The following INPP5A variants were observed in gnomAD, a reference collection of about 807,000 sequenced individuals.
INPP5A encodes the protein 43 kDa inositol polyphosphate 5-phophatase.
INPP5A carries 14 observed loss-of-function variants against 65.2 expected under a neutral mutation model. That is an observed-to-expected ratio of 0.21 (90% CI 0.14 to 0.34). INPP5A has a LOEUF of 0.34. INPP5A is among the 10% of genes least tolerant of loss of function. INPP5A has a pLI of 1.00. For synonymous variants in INPP5A, 207 were observed against 208.3 expected (o/e 0.99, Z 0.05); for missense variants, 431 against 545.6 (o/e 0.79, Z 2.09).
chr10:132,722,659 C>T (rs555880930), intron 8 of INPP5A, among the ~76,000 whole-genome samples: 40 of 152,334 alleles, frequency 2.6e-4, no homozygotes, highest in African/African-American at 8.7e-4. Flanking sequence ...GACACGCTGA[C>T]GAGCCCCCCA....
intron 4 of INPP5A, among the ~76,000 whole-genome samples, chr10:132,680,675 G>A (rs2073030681): frequency 6.6e-6 from 1 of 152,254 alleles, no homozygotes; most frequent in Non-Finnish European, 1.5e-5. Context: ...AGGCGCTAGC[G>A]GGAACCGGGG....
At chr10:132,763,505 G>A (rs1846769745) in intron 11 of INPP5A, among the ~76,000 whole-genome samples, 2 of 152,280 alleles carry the variant, frequency 1.3e-5, no homozygotes, top group Admixed American at 6.5e-5. Flanking sequence ...AGACACACAT[G>A]CCTGCATACA....
intron 12 of INPP5A, among the ~76,000 whole-genome samples, chr10:132,766,204 T>C (rs1319872860): frequency 6.6e-6 from 1 of 152,260 alleles, no homozygotes; most frequent in African/African-American, 2.4e-5. Context: ...TGCACATGTA[T>C]CTGTGTGTCC....
intron 4 of INPP5A, among the ~76,000 whole-genome samples, chr10:132,664,167 G>T (rs112965714): frequency 6.6e-6 from 1 of 152,166 alleles, no homozygotes; most frequent in Non-Finnish European, 1.5e-5. Context: ...TTTCACTTCC[G>T]GAGCCCCGTG....
intron 5 of INPP5A, among the ~76,000 whole-genome samples, chr10:132,691,195 TATCTC>T (rs758766983): frequency 2.6e-5 from 4 of 152,176 alleles, no homozygotes; most frequent in East Asian, 1.9e-4. Flanking sequence ...GCGGTAGTCT[TATCTC>T]AGTTGCTTGA....
intron 1 of INPP5A, among the ~76,000 whole-genome samples, chr10:132,542,400 C>T (rs1036142076): frequency 2.0e-5 from 3 of 152,012 alleles, no homozygotes; most frequent in Non-Finnish European, 2.9e-5. Flanking sequence ...GGTATGGAGT[C>T]GGTGATGGTC....
chr10:132,547,350 TC>T lies in INPP5A; in HGVS notation c.75+9181del, dbSNP rs757627104. Among the ~76,000 whole-genome samples, 8 of 152,056 alleles carry T rather than the reference TC, an allele frequency of 5.3e-5. No homozygotes were observed. The highest frequency in any genetic ancestry group is 2.6e-4 in the Admixed American group (4 of 15,272). ...CCTGGAGGGGCTCTCTCCATCCTCT[TC>T]CTGGCGTCAGGTGTTCTCGGCGGCC... is the stretch of plus-strand genomic sequence containing the variant. On this transcript the variant is annotated intron_variant, in intron 1 of 15. Transcript: ENST00000368594. The surrounding 1 kb of genome is among the most constrained non-coding windows in gnomAD (Gnocchi z 5.5).
At chr10:132,612,966 C>G (rs913197879) in intron 2 of INPP5A, among the ~76,000 whole-genome samples, 4 of 152,060 alleles carry the variant, frequency 2.6e-5, no homozygotes, top group African/African-American at 9.7e-5. Context: ...GCAGCCTGTT[C>G]AGTGTGGGAC....
In INPP5A at chr10:132,550,578, C is replaced by T. The variant is rs548470782; in HGVS notation, c.75+12407C>T. ...GTGCTGAGAGGGCCTGGCTGTGAGC[C>T]GCATGGTACGAACCTTCTGAATGCA... On this transcript the variant is annotated intron_variant, in intron 1 of 15. Transcript: ENST00000368594. The surrounding 1 kb of genome is among the most constrained non-coding windows in gnomAD (Gnocchi z 4.2). Among the ~76,000 whole-genome samples the T allele has an allele frequency of 1.3e-5, 2 of 152,330 alleles. No homozygotes were observed. Among genetic ancestry groups the T allele is most frequent in the Admixed American group, 6.5e-5 (1 of 15,310 alleles).
chr10:132,605,853 A>T (rs1296036408), intron 1 of INPP5A, among the ~76,000 whole-genome samples: 1 of 152,144 alleles, frequency 6.6e-6, no homozygotes, highest in Non-Finnish European at 1.5e-5. Flanking sequence ...TTTTGGTCTA[A>T]TTATTTCACA....
At chr10:132,711,188 C>T (rs909195712) in intron 8 of INPP5A, among the ~76,000 whole-genome samples, 4 of 152,322 alleles carry the variant, frequency 2.6e-5, no homozygotes, top group Non-Finnish European at 5.9e-5. Context: ...CCTCCACCTG[C>T]GCCTGGGCCC....
At chr10:132,617,050 G>A (rs1160066276) in intron 2 of INPP5A, among the ~76,000 whole-genome samples, 2 of 152,122 alleles carry the variant, frequency 1.3e-5, no homozygotes, top group Admixed American at 6.5e-5. Flanking sequence ...GCCCAGCCCC[G>A]CAGCCTTCAC....
chr10:132,618,491 T>C (rs914788016), intron 2 of INPP5A, among the ~76,000 whole-genome samples: 3 of 152,262 alleles, frequency 2.0e-5, no homozygotes, highest in African/African-American at 7.2e-5. Flanking sequence ...TCATTATTGC[T>C]CATTTTAAAG....
intron 13 of INPP5A, among the ~76,000 whole-genome samples, chr10:132,778,457 C>T (rs529088591): frequency 4.0e-5 from 6 of 151,884 alleles, no homozygotes; most frequent in East Asian, 1.9e-4. Flanking sequence ...CCACTGCACC[C>T]GGTCAATCCT....
At chr10:132,641,296 A>T (rs2072424266) in intron 2 of INPP5A, among the ~76,000 whole-genome samples, 1 of 152,230 alleles carries the variant, frequency 6.6e-6, no homozygotes, top group South Asian at 2.1e-4. Flanking sequence ...CAAGATGACC[A>T]ATGCCTGGAG....
In INPP5A at chr10:132,538,803, TGGCC is replaced by T. The variant is rs1295626270; in HGVS notation, c.75+633_75+636del. ...CCCAGGAACTTCTGACACAGGGCTGTGGCCCCAACCTCCTGTCCCTGTTCCCCAA... is the reference window on the plus strand; with the variant it reads ...CCCAGGAACTTCTGACACAGGGCTGTCCAACCTCCTGTCCCTGTTCCCCAA... On this transcript the variant is annotated intron_variant, in intron 1 of 15. Transcript: ENST00000368594. The surrounding 1 kb of genome is among the most constrained non-coding windows in gnomAD (Gnocchi z 4.1). Among the ~76,000 whole-genome samples, 1 of 152,162 alleles carries T rather than the reference TGGCC, an allele frequency of 6.6e-6. No individual in the cohort carries two copies. Among genetic ancestry groups the T allele is most frequent in the Non-Finnish European group, 1.5e-5 (1 of 68,018 alleles).
chr10:132,648,939 T>G (rs1294806277), intron 3 of INPP5A, among the ~76,000 whole-genome samples: 12 of 152,228 alleles, frequency 7.9e-5, no homozygotes, highest in Admixed American at 7.8e-4. Context: ...AAATTTGTCC[T>G]TGTCCATTAT....
chr10:132,661,417 A>T (rs1021629477), intron 4 of INPP5A, among the ~76,000 whole-genome samples: 2 of 152,238 alleles, frequency 1.3e-5, no homozygotes, highest in Non-Finnish European at 2.9e-5. Context: ...TGAAATGTAA[A>T]TAACATTACC....
At chr10:132,638,742 A>G in intron 2 of INPP5A, among the ~76,000 whole-genome samples, 1 of 151,686 alleles carries the variant, frequency 6.6e-6, no homozygotes, top group Non-Finnish European at 1.5e-5. Flanking sequence ...TAATTTTTGT[A>G]TTTTTAGTAG....
Sources: gnomAD v4.1 joint callset for allele counts (sites outside exome capture counted in the v4.1 genomes callset) on GRCh38, gnomAD v4.1.1 for gene constraint, Gnocchi (gnomAD v3.1) non-coding constraint, MANE v1.5 for transcripts, NCBI Gene and HGNC (gene_info 2026-07-23, HGNC 2026-07-21) for gene names.